Variants in ATAD5 observed in about 807,000 individuals in gnomAD.
ATAD5 encodes the protein ATPase family AAA domain-containing protein 5.
A neutral mutation model predicts 176.9 loss-of-function variants in ATAD5; 58 were observed. The ratio of observed to expected loss-of-function variants is 0.33; its 90% CI spans 0.27 to 0.41. ATAD5 has a LOEUF of 0.41. Ranked by LOEUF, ATAD5 falls within the 10% of genes least tolerant of loss-of-function variation. The pLI is 1.00. For synonymous variants in ATAD5, 640 were observed against 712.6 expected, an observed-to-expected ratio of 0.90 and a Z score of 1.62; for missense variants, 1,789 against 2,094.1, an observed-to-expected ratio of 0.85 and a Z score of 2.84.
chr17:30,869,606 A>T lies in ATAD5; in HGVS notation c.3567A>T (p.Lys1189Asn), dbSNP rs1263882975. 2 of 1,601,234 alleles carry T rather than the reference A, an allele frequency of 1.2e-6. No homozygotes were observed. Among genetic ancestry groups the T allele is most frequent in the African/African-American group, 1.4e-5 (1 of 73,876 alleles). ...ACAAACAAGGTGTAAACTCACAAAA[A>T]CCCTGTTTTTTTAATAGCTACTACA... Reference protein sequence around the residue: ...QVDKQGVNSQKPCFFNSYYIG... With the variant: ...QVDKQGVNSQNPCFFNSYYIG... The change falls in exon 14 of 23, where the codon AAA becomes AAT. Residue 1189 changes from lysine to asparagine, a missense_variant. Transcript: ENST00000321990.
intron 6 of ATAD5, among the ~76,000 whole-genome samples, chr17:30,854,369 ATTTTTTT>A (rs11445925): frequency 4.1e-5 from 5 of 121,004 alleles, no homozygotes; most frequent in East Asian, 2.3e-4. Flanking sequence ...ATTAATTTAA[ATTTTTTT>A]TTTTTTTTTT....
Position 30,895,033 on chromosome 17 carries a change from G to C in ATAD5, c.*120G>C, listed in dbSNP as rs1279809102. The C allele has an allele frequency of 6.5e-6, 4 of 615,498 alleles. No individual in the cohort carries two copies. The Admixed American group carries it at 1.6e-4, about 24-fold the overall frequency. The allele number at this position is 615,498 out of a possible 1,614,324, so 38.1% of individuals were successfully genotyped here. ...GATGTACATTTTAAACAAACAATTTGTATATTTTTTTATTGGCGGGTAAAT... is the reference window on the plus strand; with the variant it reads ...GATGTACATTTTAAACAAACAATTTCTATATTTTTTTATTGGCGGGTAAAT... On this transcript the variant is annotated 3_prime_UTR_variant, in exon 23 of 23. Coordinates refer to ENST00000321990, the MANE Select transcript of ATAD5 (RefSeq NM_024857.5).
rs1437171517 is a variant in ATAD5, at chr17:30,894,035, T to C, written c.5182T>C (p.Leu1728=). The C allele has an allele frequency of 3.1e-6, 5 of 1,612,820 alleles. No homozygotes were observed. The highest frequency in any genetic ancestry group is 1.7e-5 in the Admixed American group (1 of 59,928). Residue 1728 remains leucine (L), a synonymous_variant, in exon 21 of 23, where the codon TTG becomes CTG. Coordinates refer to ENST00000321990, the MANE Select transcript of ATAD5 (RefSeq NM_024857.5). The part of the protein sequence containing the change: ...TKCSSAISKA[L]ETLNSCKKLG... ...ATGTTCTTCTGCTATTTCAAAAGCA[T>C]TGGAAACCTTGAATTCTTGCAAGAA...
chr17:30,865,505 TA>T lies in ATAD5; in HGVS notation c.3137-198del, dbSNP rs532327914. 3.1e-4 allele frequency among the ~76,000 whole-genome samples: 47 copies of T among 152,204 alleles called. No homozygotes were observed. The South Asian group carries it at 7.3e-3, about 24-fold the overall frequency. ...AATATTTTAATAAGATTATGGTGGT[TA>T]TTTTTTTTTAGGGGGAAGGGTTTGG... is the stretch of plus-strand genomic sequence containing the variant. On this transcript the variant is annotated intron_variant, in intron 10 of 22. Coordinates refer to ENST00000321990, the MANE Select transcript of ATAD5 (RefSeq NM_024857.5).
At chr17:30,853,821 A>G (rs1907118917) in intron 6 of ATAD5, among the ~76,000 whole-genome samples, 1 of 152,130 alleles carries the variant, frequency 6.6e-6, no homozygotes. Context: ...CAAAACTGAG[A>G]CAATAATAAG....
chr17:30,855,871 A>G (rs978302406), intron 7 of ATAD5, among the ~76,000 whole-genome samples: 20 of 151,796 alleles, frequency 1.3e-4, no homozygotes, highest in Non-Finnish European at 2.1e-4. Context: ...AAAAAGAAAA[A>G]AAAAAAAAAG....
intron 21 of ATAD5, 145 bp downstream of exon 21, chr17:30,894,295 T>G: frequency 1.2e-6 from 1 of 804,046 alleles, no homozygotes; most frequent in Non-Finnish European, 1.9e-6. Context: ...ATGAGATAGC[T>G]AAAGAGACCA....
intron 12 of ATAD5, 73 bp downstream of exon 12, chr17:30,868,485 TC>T: frequency 1.0e-6 from 1 of 984,874 alleles, no homozygotes; most frequent in South Asian, 2.7e-5. Flanking sequence ...ACTAAAACTT[TC>T]TATAAAATTT....
Position 30,894,033 on chromosome 17 carries a change from C to T in ATAD5, c.5180C>T (p.Ala1727Val), listed in dbSNP as rs768934712. 1.2e-6 allele frequency: 2 copies of T among 1,612,772 alleles called. No homozygotes were observed. Among genetic ancestry groups the T allele is most frequent in the African/African-American group, 2.7e-5 (2 of 74,892 alleles). The change falls in exon 21 of 23, where the codon GCA (alanine) becomes GTA (valine). Residue 1727 changes from alanine (A) to valine (V), a missense_variant. Ala to Val is a moderately conservative substitution (Grantham distance 64, BLOSUM62 0). This residue lies in a region of ATAD5 where 403 missense variants were observed against 495.1 expected (regional missense o/e 0.81). Transcript: ENST00000321990. ...FTKCSSAISK[A>V]LETLNSCKKL... ...AAATGTTCTTCTGCTATTTCAAAAG[C>T]ATTGGAAACCTTGAATTCTTGCAAG...
Position 30,895,099 on chromosome 17 carries a change from A to G in ATAD5, c.*186A>G. On this transcript the variant is annotated 3_prime_UTR_variant, in exon 23 of 23. Transcript: ENST00000321990. ...GTTACAAATTTTATATATGATTGTAATTTTTTTTCTGAATTTTTTGTATTA... is the reference window on the plus strand; with the variant it reads ...GTTACAAATTTTATATATGATTGTAGTTTTTTTTCTGAATTTTTTGTATTA... The G allele has an allele frequency of 2.3e-6, 1 of 443,344 alleles. No homozygotes were observed. The allele number at this position is 443,344 out of a possible 1,614,324, so 27.5% of individuals were successfully genotyped here.
In ATAD5 at chr17:30,878,725, T is replaced by G. The variant is rs867674530; in HGVS notation, c.4012+629T>G. Among the ~76,000 whole-genome samples the G allele has an allele frequency of 2.1e-4, 19 of 92,122 alleles. No individual in the cohort carries two copies. In the East Asian group the frequency reaches 2.1e-3, roughly 10 times the overall value. The allele number at this position is 92,122 out of a possible 152,430, so 60.4% of individuals were successfully genotyped here. On this transcript the variant is annotated intron_variant, in intron 17 of 22. Coordinates refer to ENST00000321990, the MANE Select transcript of ATAD5 (RefSeq NM_024857.5). ...AATCAGAAGTTAGGTGGTGTTTTTTTTTTTTTTTTTTTTTTTTTTTTTTGG... is the reference window on the plus strand; with the variant it reads ...AATCAGAAGTTAGGTGGTGTTTTTTGTTTTTTTTTTTTTTTTTTTTTTTGG...
intron 3 of ATAD5, among the ~76,000 whole-genome samples, chr17:30,837,995 C>A (rs1346728993): frequency 6.6e-6 from 1 of 152,162 alleles, no homozygotes; most frequent in African/African-American, 2.4e-5. Flanking sequence ...CTGGATAATT[C>A]TTTACTGTGG....
chr17:30,834,361 A>C lies in ATAD5; in HGVS notation c.280A>C (p.Ser94Arg), dbSNP rs1905572005. ...IKSPESVPVD[S>R]NKDCTTPLEM... ...GTCACCTGAATCAGTACCTGTTGAC[A>C]GCAACAAAGACTGTACGACACCTTT... The change falls in exon 2 of 23, where the codon AGC becomes CGC. Residue 94 changes from serine (S) to arginine (R), a missense_variant. Coordinates refer to ENST00000321990, the MANE Select transcript of ATAD5 (RefSeq NM_024857.5). The C allele has an allele frequency of 6.2e-7, 1 of 1,610,152 alleles. No homozygotes were observed. Among genetic ancestry groups the C allele is most frequent in the Non-Finnish European group, 8.5e-7 (1 of 1,178,640 alleles).
Position 30,893,967 on chromosome 17 carries a change from C to G in ATAD5, c.5114C>G (p.Ser1705Cys), listed in dbSNP as rs1228032990. The G allele has an allele frequency of 1.5e-5, 24 of 1,613,894 alleles. No individual in the cohort carries two copies. Among genetic ancestry groups the G allele is most frequent in the Non-Finnish European group, 1.9e-5 (23 of 1,179,942 alleles). The change falls in exon 21 of 23, where the codon TCT becomes TGT. Residue 1705 changes from serine (S) to cysteine (C), a missense_variant. Around this residue, in one of 6 missense-constraint regions of ATAD5, gnomAD observed 403 missense variants for 495.1 expected, o/e 0.81. Transcript: ENST00000321990. ...AATGATGGATGGACTTCTCAAAGCT[C>G]TGGAGAATTAAAGGCAGCTGCAGAA... ...ESNDGWTSQS[S>C]GELKAAAEAL... is the part of the protein sequence containing the mutation.
intron 19 of ATAD5, among the ~76,000 whole-genome samples, chr17:30,891,724 T>C (rs1169874351): frequency 1.3e-5 from 2 of 149,592 alleles, no homozygotes; most frequent in African/African-American, 4.9e-5. Flanking sequence ...CTCGCTCTGT[T>C]GCCGAGGCTG....
At chr17:30,862,143 T>TG (rs200231366) in intron 10 of ATAD5, among the ~76,000 whole-genome samples, 150,204 of 151,142 alleles carry the variant, frequency 0.99, 74,633 homozygotes, top group Middle Eastern at 1. Context: ...GAGACCAGCC[T>TG]GCCAACATGG....
Position 30,855,193 on chromosome 17 carries a change from A to G in ATAD5, c.2501A>G (p.Lys834Arg). The G allele has an allele frequency of 5.0e-6, 8 of 1,613,674 alleles. No homozygotes were observed. Among genetic ancestry groups the G allele is most frequent in the Non-Finnish European group, 6.8e-6 (8 of 1,179,900 alleles). Residue 834 changes from lysine (K) to arginine (R), a missense_variant, in exon 7 of 23, where the codon AAG becomes AGG. Physicochemically the swap from Lys to Arg is conservative, Grantham distance 26. Coordinates refer to ENST00000321990, the MANE Select transcript of ATAD5 (RefSeq NM_024857.5). ...GATTGTGATGTTCAATGTAAAGCAA[A>G]GCGTGACTTCCTAATGAGTGGTTTG... Reference protein sequence around the residue: ...SQDCDVQCKAKRDFLMSGLPD... With the variant: ...SQDCDVQCKARRDFLMSGLPD...
chr17:30,843,004 C>G (rs1906224846), intron 4 of ATAD5, among the ~76,000 whole-genome samples: 1 of 151,896 alleles, frequency 6.6e-6, no homozygotes, highest in South Asian at 2.1e-4. Context: ...TTGGCCTCCC[C>G]AAGTGCTGAG....
chr17:30,859,991 T>C (rs1312114702), intron 9 of ATAD5, among the ~76,000 whole-genome samples: 2 of 148,476 alleles, frequency 1.3e-5, no homozygotes, highest in Non-Finnish European at 1.5e-5. Flanking sequence ...CCCAAAGTGC[T>C]GGGATTACAG....
Sources: gnomAD v4.1 joint callset for allele counts (sites outside exome capture counted in the v4.1 genomes callset) on GRCh38, gnomAD v4.1.1 for gene constraint, gnomAD v4.1.1 regional missense constraint, MANE v1.5 for transcripts, NCBI Gene and HGNC (gene_info 2026-07-23, HGNC 2026-07-21) for gene names.